Variants in HMGA1 observed in about 807,000 individuals in gnomAD.
The protein encoded by HMGA1 is high mobility group AT-hook 1.
In HMGA1, 1 loss-of-function variant was observed where a neutral mutation model predicts 15.1. The observed-to-expected ratio is 0.07, with a 90% CI of 0.02 to 0.31. The LOEUF is 0.31. Among genes scored for constraint, HMGA1 ranks in the 10% least tolerant of loss-of-function variants. The pLI, the probability that HMGA1 is intolerant of heterozygous loss-of-function variation, is 1.00. For synonymous variants in HMGA1, 56 were observed against 54.8 expected, an observed-to-expected ratio of 1.02 and a Z score of -0.10; for missense variants, 94 against 141.4, an observed-to-expected ratio of 0.66 and a Z score of 1.70.
chr6:34,239,823 A>G (rs1318730538), intron 2 of HMGA1, among the ~76,000 whole-genome samples: 2 of 152,198 alleles, frequency 1.3e-5, no homozygotes, highest in African/African-American at 4.8e-5. Context: ...TTAAACCCCA[A>G]CAGGCCTCTA....
chr6:34,237,663 C>T (rs1298585913), intron 2 of HMGA1, among the ~76,000 whole-genome samples: 2 of 135,782 alleles, frequency 1.5e-5, no homozygotes, highest in Non-Finnish European at 3.3e-5. Context: ...GCGCACCTCG[C>T]GCGGCGGCCG....
chr6:34,245,369 T>C lies in HMGA1; in HGVS notation c.*485T>C, dbSNP rs1054693268. ...CTCATCCTGGCACGCCCTACTCCACTGCCCTGGCAGCAGCAGGTGTGGCCA... is the reference window on the plus strand; with the variant it reads ...CTCATCCTGGCACGCCCTACTCCACCGCCCTGGCAGCAGCAGGTGTGGCCA... On this transcript the variant is annotated 3_prime_UTR_variant, in exon 6 of 6. Coordinates refer to ENST00000311487, the MANE Select transcript of HMGA1 (RefSeq NM_145899.3). 1 of 1,355,652 alleles carries C rather than the reference T, an allele frequency of 7.4e-7. No individual in the cohort carries two copies. The highest frequency in any genetic ancestry group is 9.7e-7 in the Non-Finnish European group (1 of 1,030,634). 84.0% of individuals were successfully genotyped at this position (1,355,652 alleles called of 1,614,324 possible).
At chr6:34,242,075 C>T (rs150460657) in intron 3 of HMGA1, among the ~76,000 whole-genome samples, 2 of 152,322 alleles carry the variant, frequency 1.3e-5, no homozygotes, top group East Asian at 3.9e-4. Context: ...GCGCCTTCAC[C>T]ACACACCTTA....
At chr6:34,241,991 CAG>C (rs1041634226) in intron 3 of HMGA1, among the ~76,000 whole-genome samples, 18 of 152,134 alleles carry the variant, frequency 1.2e-4, no homozygotes, top group African/African-American at 4.1e-4. Context: ...TGGGAGGTGT[CAG>C]GAGGGGTGCA....
chr6:34,242,928 C>T (rs1762418350), intron 4 of HMGA1, 133 bp downstream of exon 4: 1 of 717,370 alleles, frequency 1.4e-6, no homozygotes, highest in African/African-American at 1.7e-5. Flanking sequence ...TTCCCTGGTA[C>T]AGGGATGGCA....
intron 2 of HMGA1, among the ~76,000 whole-genome samples, chr6:34,237,572 G>A (rs1214457409): frequency 2.7e-5 from 4 of 146,100 alleles, no homozygotes; most frequent in African/African-American, 9.9e-5. Context: ...GCGGGGACCC[G>A]GGAAAGGCGC....
Position 34,242,693 on chromosome 6 carries a change from ACCCCCT to A in HMGA1, c.136-17_136-12del, listed in dbSNP as rs1561874561. 3.3e-6 allele frequency: 5 copies of A among 1,537,396 alleles called. No individual in the cohort carries two copies. ...AAACAGGTGATGACTGTCCCTGACT[ACCCCCT>A]CTGTCTTTACAGAAGGAGCCCAGCG... On this transcript the variant is annotated splice_polypyrimidine_tract_variant and intron_variant, in intron 3 of 5. Transcript: ENST00000311487.
At chr6:34,237,049 C>CGT (rs1761806679) in intron 1 of HMGA1, 86 bp downstream of exon 1, 1 of 151,936 alleles carries the variant, frequency 6.6e-6, no homozygotes, top group African/African-American at 2.4e-5. Flanking sequence ...GCGCACGGGC[C>CGT]GTGCCCAGCT....
chr6:34,237,527 A>C (rs1761876593), intron 2 of HMGA1, among the ~76,000 whole-genome samples: 1 of 140,258 alleles, frequency 7.1e-6, no homozygotes. Context: ...GGACGCCCGC[A>C]CCCCTTCCCC....
rs1762613462 is a variant in HMGA1, at chr6:34,244,895, C to CCA, written c.*12_*13insAC. The CCA allele has an allele frequency of 6.4e-7, 1 of 1,554,836 alleles. No individual in the cohort carries two copies. The highest frequency in any genetic ancestry group is 8.7e-7 in the Non-Finnish European group (1 of 1,149,306). ...GAGGAGGAGCAGTGACCCATGCGTG[C>CCA]CGCCTGCTCCTCACTGGAGGAGCAG... On this transcript the variant is annotated 3_prime_UTR_variant, in exon 6 of 6. Transcript: ENST00000311487.
intron 2 of HMGA1, among the ~76,000 whole-genome samples, chr6:34,240,409 A>G (rs1041773535): frequency 1.3e-5 from 2 of 152,150 alleles, no homozygotes; most frequent in African/African-American, 4.8e-5. Context: ...CCTTTGTCCC[A>G]GGGTGGCCTC....
In HMGA1 at chr6:34,245,316, C is replaced by T. The variant is rs1184444409; in HGVS notation, c.*432C>T. The stretch of plus-strand genomic sequence containing the variant: ...CATAGTGGGGCCTGGGAGGGTTCCC[C>T]TGGCCTTAAAAGGGGCCCAAGCCCC... On this transcript the variant is annotated 3_prime_UTR_variant, in exon 6 of 6. Coordinates refer to ENST00000311487, the MANE Select transcript of HMGA1 (RefSeq NM_145899.3). The T allele has an allele frequency of 7.3e-7, 1 of 1,369,726 alleles. No homozygotes were observed. The highest frequency in any genetic ancestry group is 1.4e-5 in the African/African-American group (1 of 69,826). The allele number at this position is 1,369,726 out of a possible 1,614,324, so 84.8% of individuals were successfully genotyped here.
chr6:34,237,616 C>T (rs1761889840), intron 2 of HMGA1, among the ~76,000 whole-genome samples: 1 of 147,756 alleles, frequency 6.8e-6, no homozygotes, highest in Non-Finnish European at 1.5e-5. Flanking sequence ...CTGCGGCGAG[C>T]GCGAGTTGTG....
chr6:34,241,630 A>G (rs1160282587), intron 3 of HMGA1, among the ~76,000 whole-genome samples: 1 of 152,190 alleles, frequency 6.6e-6, no homozygotes, highest in Non-Finnish European at 1.5e-5. Context: ...GGGGCACCCT[A>G]GGGAGCATGG....
At chr6:34,239,964 A>C (rs1762162653) in intron 2 of HMGA1, among the ~76,000 whole-genome samples, 1 of 151,992 alleles carries the variant, frequency 6.6e-6, no homozygotes, top group Admixed American at 6.5e-5. Flanking sequence ...TACCCATCTG[A>C]CAAAGTCCCA....
chr6:34,243,178 A>G (rs1227321604), intron 4 of HMGA1, among the ~76,000 whole-genome samples: 1 of 152,146 alleles, frequency 6.6e-6, no homozygotes, highest in Non-Finnish European at 1.5e-5. Context: ...CCAGATTCAC[A>G]GTGACATTAG....
At chr6:34,242,621 C>T in intron 3 of HMGA1, 91 bp from the exon 4 acceptor site, 2 of 883,890 alleles carry the variant, frequency 2.3e-6, no homozygotes, top group Non-Finnish European at 1.8e-6. Flanking sequence ...TTCTTGCTGA[C>T]TTAACCTTGT....
Position 34,245,236 on chromosome 6 carries a change from G to C in HMGA1, c.*352G>C. 1 of 1,386,170 alleles carries C rather than the reference G, an allele frequency of 7.2e-7. No homozygotes were observed. Among genetic ancestry groups the C allele is most frequent in the Non-Finnish European group, 9.5e-7 (1 of 1,050,010 alleles). 85.9% of individuals were successfully genotyped at this position (1,386,170 alleles called of 1,614,324 possible). ...CTTGGTGGTGGGGACATTGCTCTCTGGGCTTTTGGTTTGGGGGCGCCCTCT... is the reference window on the plus strand; with the variant it reads ...CTTGGTGGTGGGGACATTGCTCTCTCGGCTTTTGGTTTGGGGGCGCCCTCT... On this transcript the variant is annotated 3_prime_UTR_variant, in exon 6 of 6. Coordinates refer to ENST00000311487, the MANE Select transcript of HMGA1 (RefSeq NM_145899.3).
intron 3 of HMGA1, among the ~76,000 whole-genome samples, chr6:34,241,520 C>G (rs1762307649): frequency 6.6e-6 from 1 of 152,168 alleles, no homozygotes; most frequent in Non-Finnish European, 1.5e-5. Flanking sequence ...CCCAAGAAGT[C>G]AAAAATGTTG....
Sources: gnomAD v4.1 joint callset for allele counts (sites outside exome capture counted in the v4.1 genomes callset) on GRCh38, gnomAD v4.1.1 for gene constraint, MANE v1.5 for transcripts, NCBI Gene and HGNC (gene_info 2026-07-23, HGNC 2026-07-21) for gene names.